ATXN1: variants seen among roughly 807,000 people sequenced by gnomAD.
ATXN1 encodes ataxin 1.
A neutral mutation model predicts 56.4 loss-of-function variants in ATXN1; 8 were observed. The ratio of observed to expected loss-of-function variants is 0.14; its 90% CI spans 0.08 to 0.26. The LOEUF is 0.26. Among genes scored for constraint, ATXN1 ranks in the 10% least tolerant of loss-of-function variants. The pLI, the probability that ATXN1 is intolerant of heterozygous loss-of-function variation, is 1.00. For missense variants in ATXN1, 987 were observed against 1,106.5 expected, an observed-to-expected ratio of 0.89 and a Z score of 1.53; for synonymous variants, 514 against 494.6, an observed-to-expected ratio of 1.04 and a Z score of -0.52.
chr6:16,439,337 G>C (rs1436174038), intron 6 of ATXN1, among the ~76,000 whole-genome samples: 3 of 8,502 alleles, frequency 3.5e-4, no homozygotes, highest in Non-Finnish European at 8.4e-4. Flanking sequence ...ACTTCTTTTC[G>C]CGGGGGGGGG....
intron 3 of ATXN1, among the ~76,000 whole-genome samples, chr6:16,631,502 T>A (rs114904408): frequency 8.5e-4 from 130 of 152,302 alleles, no homozygotes; most frequent in Non-Finnish European, 1.4e-3. Context: ...CACACAGGTG[T>A]CACAGCCAAA....
rs772583194 is a variant in ATXN1, at chr6:16,525,931, C to T, written c.-360-3243G>A. Among the ~76,000 whole-genome samples the T allele has an allele frequency of 3.3e-5, 5 of 150,966 alleles. No homozygotes were observed. In the South Asian group the frequency reaches 6.3e-4, roughly 19 times the overall value. On this transcript the variant is annotated intron_variant, in intron 4 of 7. Transcript: ENST00000436367. ...TAGAAAAACCCAAGTAATACAAATCCACAGAAGTCCCACTAATAATCACTA... is the reference window on the plus strand; with the variant it reads ...TAGAAAAACCCAAGTAATACAAATCTACAGAAGTCCCACTAATAATCACTA...
At chr6:16,428,165 C>G (rs1226656965) in intron 6 of ATXN1, among the ~76,000 whole-genome samples, 1 of 144,766 alleles carries the variant, frequency 6.9e-6, no homozygotes, top group Non-Finnish European at 1.5e-5. Flanking sequence ...GTCACCCAGG[C>G]TGGAGTGCAA....
chr6:16,593,858 CATAT>C (rs58000476), intron 3 of ATXN1, among the ~76,000 whole-genome samples: 91,184 of 143,446 alleles, frequency 0.64, 29,321 homozygotes, highest in Admixed American at 0.73. Flanking sequence ...TGTGTGTGTG[CATAT>C]ATATATATAT....
intron 4 of ATXN1, among the ~76,000 whole-genome samples, chr6:16,570,865 T>C (rs1479714892): frequency 6.6e-6 from 1 of 152,202 alleles, no homozygotes; most frequent in Admixed American, 6.5e-5. Context: ...TGCACAGCGA[T>C]TTTCTGGAGC....
At chr6:16,595,855 G>C (rs1233449275) in intron 3 of ATXN1, among the ~76,000 whole-genome samples, 2 of 152,186 alleles carry the variant, frequency 1.3e-5, no homozygotes, top group African/African-American at 2.4e-5. Context: ...TTCTCACACT[G>C]TTTTAATTAA....
intron 6 of ATXN1, among the ~76,000 whole-genome samples, chr6:16,456,580 C>T (rs979138008): frequency 6.6e-6 from 1 of 152,168 alleles, no homozygotes; most frequent in African/African-American, 2.4e-5. Flanking sequence ...TTGGTTGGCC[C>T]TGCAGCCATG....
chr6:16,539,562 T>C (rs910080722), intron 4 of ATXN1, among the ~76,000 whole-genome samples: 2 of 152,186 alleles, frequency 1.3e-5, no homozygotes, highest in Admixed American at 6.5e-5. Flanking sequence ...TCAGAGCTTA[T>C]TGATATAGAC....
At chr6:16,700,594 C>A (rs1411533425) in intron 2 of ATXN1, among the ~76,000 whole-genome samples, 1 of 152,134 alleles carries the variant, frequency 6.6e-6, no homozygotes, top group Non-Finnish European at 1.5e-5. Flanking sequence ...TGTTCCTTTT[C>A]CTGCCGCGGT....
intron 6 of ATXN1, among the ~76,000 whole-genome samples, chr6:16,470,698 A>G (rs1158504464): frequency 6.6e-6 from 1 of 152,190 alleles, no homozygotes; most frequent in Non-Finnish European, 1.5e-5. Flanking sequence ...CCCTGGGATC[A>G]GCTGAAATCA....
chr6:16,689,521 C>CTTTTTTTTTTTTTTTTTTTTTTT (rs11374047), intron 2 of ATXN1, among the ~76,000 whole-genome samples: 60 of 105,182 alleles, frequency 5.7e-4, no homozygotes, highest in Non-Finnish European at 6.9e-4. Context: ...TTTTTTTTTT[C>CTTTTTTTTTTTTTTTTTTTTTTT]TTTTTTTTTT....
At chr6:16,721,971 A>G (rs1173619386) in intron 2 of ATXN1, among the ~76,000 whole-genome samples, 1 of 152,208 alleles carries the variant, frequency 6.6e-6, no homozygotes, top group Non-Finnish European at 1.5e-5. Flanking sequence ...ACGTTCTGGA[A>G]AAGTTCAGTG....
intron 6 of ATXN1, among the ~76,000 whole-genome samples, chr6:16,343,016 T>C (rs1162541979): frequency 6.6e-6 from 1 of 152,216 alleles, no homozygotes; most frequent in African/African-American, 2.4e-5. Context: ...TTTCATATTA[T>C]GCATATTTTG....
intron 5 of ATXN1, among the ~76,000 whole-genome samples, chr6:16,498,362 T>C (rs754975725): frequency 2.2e-4 from 33 of 152,236 alleles, no homozygotes; most frequent in Non-Finnish European, 4.1e-4. Context: ...TTGTAGGCTA[T>C]ACCACATTTT....
rs931094222 is a variant in ATXN1, at chr6:16,621,575, G to A, written c.-488-35668C>T. Among the ~76,000 whole-genome samples the A allele has an allele frequency of 5.7e-4, 87 of 152,138 alleles. 1 individual carries two copies. The highest frequency in any genetic ancestry group is 1.1e-3 in the Non-Finnish European group (78 of 68,030). On this transcript the variant is annotated intron_variant, in intron 3 of 7. Coordinates refer to ENST00000436367, the MANE Select transcript of ATXN1 (RefSeq NM_001128164.2). The stretch of plus-strand genomic sequence containing the variant: ...GTCTCTACTAAAAATACAAAAATTA[G>A]CTGGGTGTGGTGGTGCACACCTGTA...
chr6:16,672,127 G>A (rs907113343), intron 2 of ATXN1, among the ~76,000 whole-genome samples: 1 of 152,112 alleles, frequency 6.6e-6, no homozygotes, highest in East Asian at 1.9e-4. Flanking sequence ...ACAGGACTAA[G>A]TTGTATATTC....
At chr6:16,641,521 A>C (rs1171920658) in intron 3 of ATXN1, among the ~76,000 whole-genome samples, 1 of 152,260 alleles carries the variant, frequency 6.6e-6, no homozygotes, top group Non-Finnish European at 1.5e-5. Flanking sequence ...TTGGGTTACT[A>C]AATACTTTAA....
chr6:16,327,209 A>G lies in ATXN1; in HGVS notation c.1102T>C (p.Ser368Pro). ...SRHVVVHPSP[S>P]DYSSRDPSGV... ...GAAGGATCACGACTGCTGTAGTCTG[A>G]GGGGCTCGGGTGGACCACCACGTGC... Residue 368 changes from serine (S) to proline (P), a missense_variant, in exon 7 of 8, where the codon TCA becomes CCA. Transcript: ENST00000436367. The G allele has an allele frequency of 1.2e-6, 2 of 1,613,702 alleles. No homozygotes were observed. Among genetic ancestry groups the G allele is most frequent in the Non-Finnish European group, 8.5e-7 (1 of 1,179,824 alleles).
At chr6:16,642,640 T>C (rs184948527) in intron 3 of ATXN1, among the ~76,000 whole-genome samples, 6 of 152,300 alleles carry the variant, frequency 3.9e-5, no homozygotes, top group Admixed American at 1.3e-4. Context: ...AGTCAATAAA[T>C]GTGGCAAACG....
Sources: gnomAD v4.1 joint callset for allele counts (sites outside exome capture counted in the v4.1 genomes callset) on GRCh38, gnomAD v4.1.1 for gene constraint, MANE v1.5 for transcripts, NCBI Gene and HGNC (gene_info 2026-07-23, HGNC 2026-07-21) for gene names.